Variants in KAT6B observed in about 807,000 individuals in gnomAD.
KAT6B encodes the protein histone acetyltransferase KAT6B.
KAT6B carries 10 observed loss-of-function variants against 187.5 expected under a neutral mutation model. The observed-to-expected ratio is 0.05, with a 90% CI of 0.03 to 0.09. KAT6B has a LOEUF of 0.09. KAT6B is among the 10% of genes least tolerant of loss of function. KAT6B has a pLI of 1.00. For missense variants in KAT6B, 1,952 were observed against 2,558.9 expected (o/e 0.76, Z 5.12); for synonymous variants, 861 against 926.8 (o/e 0.93, Z 1.29).
chr10:74,967,782 C>A (rs1841579696), intron 4 of KAT6B, among the ~76,000 whole-genome samples: 1 of 152,132 alleles, frequency 6.6e-6, no homozygotes, highest in Admixed American at 6.5e-5. Flanking sequence ...AATTTTCAAA[C>A]TGCATAATTA....
At chr10:74,963,080 T>C (rs756397576) in intron 4 of KAT6B, among the ~76,000 whole-genome samples, 4 of 152,130 alleles carry the variant, frequency 2.6e-5, no homozygotes, top group Non-Finnish European at 5.9e-5. Flanking sequence ...GAGAAAATGA[T>C]AGGAAGATGA....
At chr10:74,877,860 A>G (rs889539570) in intron 3 of KAT6B, among the ~76,000 whole-genome samples, 6 of 152,202 alleles carry the variant, frequency 3.9e-5, no homozygotes, top group African/African-American at 1.4e-4. Context: ...ATCAAAGAGT[A>G]ATAACATTGG....
intron 4 of KAT6B, among the ~76,000 whole-genome samples, chr10:74,963,094 G>C (rs549950494): frequency 2.0e-4 from 31 of 152,290 alleles, no homozygotes; most frequent in African/African-American, 6.7e-4. Context: ...AAGATGATCA[G>C]TAACTGTAAA....
chr10:74,850,627 T>A (rs991558399), intron 3 of KAT6B, among the ~76,000 whole-genome samples: 4 of 152,220 alleles, frequency 2.6e-5, no homozygotes, highest in African/African-American at 9.6e-5. Context: ...GATAAAACTT[T>A]ATCTTTGACT....
At chr10:74,964,096 A>G (rs1432711665) in intron 4 of KAT6B, among the ~76,000 whole-genome samples, 1 of 152,178 alleles carries the variant, frequency 6.6e-6, no homozygotes, top group Non-Finnish European at 1.5e-5. Context: ...GCACCACTGC[A>G]CTCCAGCCTA....
intron 12 of KAT6B, among the ~76,000 whole-genome samples, chr10:74,987,422 T>TC (rs1489566272): frequency 6.6e-6 from 1 of 151,204 alleles, no homozygotes; most frequent in Non-Finnish European, 1.5e-5. Flanking sequence ...ACAGCAAGAC[T>TC]CCATCTCAAA....
At chr10:74,825,283 G>A, upstream of KAT6B, among the ~76,000 whole-genome samples, 1 of 151,998 alleles carries the variant, frequency 6.6e-6, no homozygotes, top group East Asian at 1.9e-4. The surrounding 1 kb of genome is among the most constrained non-coding windows in gnomAD (Gnocchi z 5.0). Flanking sequence ...CGGCCCAGGC[G>A]TCCCCATCCT....
intron 1 of KAT6B, among the ~76,000 whole-genome samples, chr10:74,828,492 A>T (rs1038358138): frequency 2.7e-5 from 4 of 149,650 alleles, no homozygotes; most frequent in Non-Finnish European, 5.9e-5. Context: ...TTCCTGTCTT[A>T]CTTGTATACC....
At chr10:74,902,999 C>G (rs1161815801) in intron 3 of KAT6B, among the ~76,000 whole-genome samples, 1 of 152,124 alleles carries the variant, frequency 6.6e-6, no homozygotes, top group African/African-American at 2.4e-5. Context: ...CATAAGGTTC[C>G]AGCTCAGAAG....
Position 75,030,361 on chromosome 10 carries a change from G to C in KAT6B, c.5537G>C (p.Ser1846Thr). The C allele has an allele frequency of 6.2e-7, 1 of 1,614,226 alleles. No homozygotes were observed. The highest frequency in any genetic ancestry group is 8.5e-7 in the Non-Finnish European group (1 of 1,180,038). ...HSAAVTSYAN[S>T]ASLSTPLSNT... Reference sequence around the variant, plus strand: ...GCTGCTGTGACTTCCTATGCAAACAGTGCCTCTTTGTCCACACCATTAAGT... The same window carrying C: ...GCTGCTGTGACTTCCTATGCAAACACTGCCTCTTTGTCCACACCATTAAGT... Residue 1846 changes from serine to threonine, a missense_variant, in exon 18 of 18, where the codon AGT becomes ACT. By Grantham distance (58) the Ser-to-Thr change is moderately conservative (BLOSUM62 1). Around this residue, in one of 9 missense-constraint regions of KAT6B, gnomAD observed 358 missense variants for 436.3 expected, o/e 0.82. Coordinates refer to ENST00000287239, the MANE Select transcript of KAT6B (RefSeq NM_012330.4). This position sits in a 1 kb window ranked among gnomAD's most constrained non-coding sequence, Gnocchi z 4.8.
At chr10:74,947,048 G>A (rs890780806) in intron 3 of KAT6B, among the ~76,000 whole-genome samples, 7 of 152,082 alleles carry the variant, frequency 4.6e-5, no homozygotes, top group Non-Finnish European at 7.4e-5. Flanking sequence ...CGCCCAGGCT[G>A]GAGTTCAGTG....
At chr10:74,889,590 A>G (rs1387151919) in intron 3 of KAT6B, among the ~76,000 whole-genome samples, 1 of 152,228 alleles carries the variant, frequency 6.6e-6, no homozygotes, top group East Asian at 1.9e-4. Flanking sequence ...TGGACTGGGC[A>G]TACCCTGGAG....
intron 7 of KAT6B, among the ~76,000 whole-genome samples, chr10:74,974,006 C>G (rs913710263): frequency 5.3e-5 from 8 of 152,198 alleles, no homozygotes; most frequent in Non-Finnish European, 1.0e-4. Flanking sequence ...TTAAGACAGT[C>G]TAGGGAGTTT....
intron 13 of KAT6B, among the ~76,000 whole-genome samples, chr10:74,993,055 C>T (rs922358711): frequency 6.6e-6 from 1 of 152,204 alleles, no homozygotes. Flanking sequence ...TCTCTCCCTC[C>T]GTCCCCACCA....
intron 3 of KAT6B, among the ~76,000 whole-genome samples, chr10:74,901,173 C>T (rs981144094): frequency 2.0e-5 from 3 of 152,260 alleles, no homozygotes; most frequent in Admixed American, 6.5e-5. Flanking sequence ...AATTTTTGCT[C>T]AACGTATGCT....
intron 16 of KAT6B, chr10:75,024,046 G>A (rs775882771): frequency 6.6e-6 from 1 of 151,834 alleles, no homozygotes; most frequent in Admixed American, 6.6e-5. Flanking sequence ...TTTGCTGGGC[G>A]AAAAACATTT....
chr10:74,943,888 T>C (rs569448326), intron 3 of KAT6B, among the ~76,000 whole-genome samples: 29 of 152,330 alleles, frequency 1.9e-4, no homozygotes, highest in Non-Finnish European at 3.5e-4. Context: ...TTATATCTTA[T>C]GTGTTATATA....
chr10:75,028,452 T>C (rs779338761), intron 17 of KAT6B, 37 bp from the exon 18 acceptor site: 1 of 1,613,994 alleles, frequency 6.2e-7, no homozygotes, highest in Non-Finnish European at 8.5e-7. Context: ...TTTCTAAGAC[T>C]GTTTTTTTTC....
chr10:74,832,363 G>C (rs1272731168), intron 1 of KAT6B, among the ~76,000 whole-genome samples: 3 of 152,102 alleles, frequency 2.0e-5, no homozygotes, highest in Non-Finnish European at 2.9e-5. Context: ...AGTGGCTCAT[G>C]CCTGTAATCC....
Sources: allele counts gnomAD v4.1 joint callset (sites outside exome capture counted in the v4.1 genomes callset), GRCh38; gene constraint gnomAD v4.1.1; regional missense constraint gnomAD v4.1.1; non-coding constraint Gnocchi (gnomAD v3.1); transcripts MANE v1.5; gene names NCBI Gene and HGNC (gene_info 2026-07-23, HGNC 2026-07-21).